CDH20: variants seen among roughly 807,000 people sequenced by gnomAD.
CDH20 encodes cadherin 20, also known as cadherin-20.
A neutral mutation model predicts 74.2 loss-of-function variants in CDH20; 29 were observed. The ratio of observed to expected loss-of-function variants is 0.39; its 90% confidence interval spans 0.29 to 0.53. The LOEUF (loss-of-function observed/expected upper bound fraction) is 0.53, where lower values mean the gene tolerates loss of function less well. Ranked by LOEUF, CDH20 falls within the 20% of genes least tolerant of loss-of-function variation. The pLI, the probability that CDH20 is intolerant of heterozygous loss-of-function variation, is 0.69. For synonymous variants in CDH20, 469 were observed against 405.4 expected, an observed-to-expected ratio of 1.16 and a Z score of -1.88; for missense variants, 988 against 1,048.3, an observed-to-expected ratio of 0.94 and a Z score of 0.79.
chr18:61,514,308 T>C (rs1225348366), intron 6 of CDH20, among the ~76,000 whole-genome samples: 1 of 152,252 alleles, frequency 6.6e-6, no homozygotes, highest in African/African-American at 2.4e-5. Context: ...CTGAGGCTTC[T>C]GCATTCTTCA....
At chr18:61,395,014 T>A (rs1162900692) in intron 1 of CDH20, among the ~76,000 whole-genome samples, 2 of 152,084 alleles carry the variant, frequency 1.3e-5, no homozygotes, top group African/African-American at 4.8e-5. Context: ...CAGTGGAGAC[T>A]GTTGGTCATT....
At chr18:61,410,399 G>A (rs1194456229) in intron 1 of CDH20, among the ~76,000 whole-genome samples, 1 of 152,158 alleles carries the variant, frequency 6.6e-6, no homozygotes, top group East Asian at 1.9e-4. Flanking sequence ...AAATACATAT[G>A]TACAAGTATT....
chr18:61,498,848 G>A (rs1168631179), intron 2 of CDH20, among the ~76,000 whole-genome samples: 2 of 152,120 alleles, frequency 1.3e-5, no homozygotes, highest in African/African-American at 4.8e-5. Flanking sequence ...GGAAAGGCAG[G>A]AATCCTCCTT....
In CDH20 at chr18:61,381,409, T is replaced by C. The variant is rs1347777393; in HGVS notation, c.-153+47582T>C. On this transcript the variant is annotated intron_variant, in intron 1 of 11. Coordinates refer to ENST00000262717, the MANE Select transcript of CDH20 (RefSeq NM_031891.4). ...GTAATGTTAGTCTGTTCCCTAAATA[T>C]AGAAAATTTTGGAGTGGGTCTATTT... Among the ~76,000 whole-genome samples the C allele has an allele frequency of 3.3e-5, 5 of 152,326 alleles. No homozygotes were observed. The East Asian group carries it at 9.7e-4, about 29-fold the overall frequency.
intron 2 of CDH20, among the ~76,000 whole-genome samples, chr18:61,493,567 C>T (rs1911033329): frequency 6.6e-6 from 1 of 152,210 alleles, no homozygotes; most frequent in African/African-American, 2.4e-5. Flanking sequence ...GGTTCTGCCA[C>T]ACATACCACG....
At chr18:61,549,195 C>T (rs1217090898) in intron 10 of CDH20, among the ~76,000 whole-genome samples, 1 of 152,156 alleles carries the variant, frequency 6.6e-6, no homozygotes, top group Non-Finnish European at 1.5e-5. Context: ...TCCCACAACA[C>T]AATATGTGAA....
chr18:61,344,352 T>C (rs889951949), intron 1 of CDH20, among the ~76,000 whole-genome samples: 2 of 152,122 alleles, frequency 1.3e-5, no homozygotes, highest in African/African-American at 4.8e-5. Flanking sequence ...AGAAGATAAA[T>C]ATGTTGCCCA....
At chr18:61,463,609 G>T (rs76924600) in intron 1 of CDH20, among the ~76,000 whole-genome samples, 3 of 152,208 alleles carry the variant, frequency 2.0e-5, no homozygotes, top group Non-Finnish European at 2.9e-5. Flanking sequence ...GAGGCTGTGC[G>T]TTGGGGGAGA....
intron 1 of CDH20, among the ~76,000 whole-genome samples, chr18:61,374,095 G>C (rs1411119555): frequency 6.6e-6 from 1 of 152,092 alleles, no homozygotes; most frequent in Non-Finnish European, 1.5e-5. Flanking sequence ...ACAACAGTCT[G>C]TATTCAAATT....
intron 1 of CDH20, among the ~76,000 whole-genome samples, chr18:61,478,404 A>G (rs999405848): frequency 6.6e-6 from 1 of 152,062 alleles, no homozygotes; most frequent in South Asian, 2.1e-4. Flanking sequence ...AAATATAACA[A>G]TTTCTAATAA....
At chr18:61,404,215 T>G (rs945562230) in intron 1 of CDH20, among the ~76,000 whole-genome samples, 2 of 152,146 alleles carry the variant, frequency 1.3e-5, no homozygotes, top group East Asian at 3.8e-4. Context: ...ATCCTAGAAC[T>G]TAAAATAAAA....
chr18:61,448,714 C>CA (rs1338927954), intron 1 of CDH20, among the ~76,000 whole-genome samples: 1 of 152,170 alleles, frequency 6.6e-6, no homozygotes, highest in African/African-American at 2.4e-5. Flanking sequence ...TCCTAATCAT[C>CA]ACCTCCCTAT....
At chr18:61,372,612 T>C (rs1002545169) in intron 1 of CDH20, among the ~76,000 whole-genome samples, 71 of 152,244 alleles carry the variant, frequency 4.7e-4, no homozygotes, top group Non-Finnish European at 1.6e-4. Flanking sequence ...CTTTAAATGG[T>C]TGGGAAAAAA....
chr18:61,448,458 T>C (rs768313982), intron 1 of CDH20, among the ~76,000 whole-genome samples: 17 of 152,156 alleles, frequency 1.1e-4, no homozygotes, highest in Admixed American at 6.5e-5. Flanking sequence ...CCAGGTGATA[T>C]AGAAAGTGAT....
At position 61,545,106 on chromosome 18, in the gene CDH20, C is replaced by G; in HGVS notation, c.1610C>G (p.Ala537Gly). ...QHFYYSLAPE[A>G]ANNPNFTIRD... ...TTCTACTACAGCTTGGCTCCTGAGGCTGCTAACAACCCCAACTTTACCATA... is the reference window on the plus strand; with the variant it reads ...TTCTACTACAGCTTGGCTCCTGAGGGTGCTAACAACCCCAACTTTACCATA... Residue 537 changes from alanine to glycine, a missense_variant, in exon 10 of 12, where the codon GCT becomes GGT. Around this residue, in one of 2 missense-constraint regions of CDH20, gnomAD observed 613 missense variants for 755.2 expected, o/e 0.81. Transcript: ENST00000262717. 6.2e-7 allele frequency: 1 copy of G among 1,613,606 alleles called. No homozygotes were observed. The highest frequency in any genetic ancestry group is 8.5e-7 in the Non-Finnish European group (1 of 1,179,574).
intron 1 of CDH20, among the ~76,000 whole-genome samples, chr18:61,463,330 C>T (rs569764113): frequency 6.6e-6 from 1 of 152,300 alleles, no homozygotes; most frequent in East Asian, 1.9e-4. Context: ...CTCCCTCATC[C>T]TCCCAGAGCT....
intron 10 of CDH20, 67 bp from the exon 11 acceptor site, chr18:61,549,911 G>A: frequency 6.5e-7 from 1 of 1,545,510 alleles, no homozygotes; most frequent in Admixed American, 1.7e-5. Context: ...CTGCCCCCTT[G>A]CTTTCCTCAA....
intron 1 of CDH20, among the ~76,000 whole-genome samples, chr18:61,395,116 C>T (rs1397076368): frequency 6.6e-6 from 1 of 151,996 alleles, no homozygotes; most frequent in Admixed American, 6.6e-5. Context: ...CTTTAAGTTT[C>T]ACACTGTACC....
chr18:61,514,785 G>C (rs567522250), intron 6 of CDH20, among the ~76,000 whole-genome samples: 1 of 151,862 alleles, frequency 6.6e-6, no homozygotes, highest in Non-Finnish European at 1.5e-5. Flanking sequence ...TGCCTCTGCT[G>C]GGGGGTGCCT....
Sources: allele counts gnomAD v4.1 joint callset (sites outside exome capture counted in the v4.1 genomes callset), GRCh38; gene constraint gnomAD v4.1.1; regional missense constraint gnomAD v4.1.1; transcripts MANE v1.5; gene names NCBI Gene and HGNC (gene_info 2026-07-23, HGNC 2026-07-21).